ANTXR2: variants seen among roughly 807,000 people sequenced by gnomAD.
ANTXR2 encodes the protein anthrax toxin receptor 2.
A neutral mutation model predicts 73.7 loss-of-function variants in ANTXR2; 44 were observed. The observed-to-expected ratio is 0.60, with a 90% CI of 0.47 to 0.77. The LOEUF is 0.77. Among genes scored for constraint, ANTXR2 ranks in the 30% least tolerant of loss-of-function variants. The pLI, the probability that ANTXR2 is intolerant of heterozygous loss-of-function variation, is 0.00. For missense variants in ANTXR2, 604 were observed against 592.5 expected (o/e 1.02, Z -0.20); for synonymous variants, 217 against 205.9 (o/e 1.05, Z -0.46).
At chr4:79,991,011 TG>T (rs1322453544) in intron 12 of ANTXR2, among the ~76,000 whole-genome samples, 1 of 152,078 alleles carries the variant, frequency 6.6e-6, no homozygotes, top group East Asian at 1.9e-4. Context: ...AAAGAAAACC[TG>T]GGAAATACCA....
intron 8 of ANTXR2, 135 bp from the exon 9 acceptor site, chr4:80,033,705 CAT>C: frequency 1.6e-6 from 1 of 642,834 alleles, no homozygotes; most frequent in Non-Finnish European, 2.6e-6. Flanking sequence ...GCAATGAAGA[CAT>C]AGCTCTATAT....
rs941422433 is a variant in ANTXR2 at position 79,904,422 on chromosome 4, C to A, written c.*3007G>T. The A allele has an allele frequency of 1.1e-4, 17 of 152,026 alleles. No individual in the cohort carries two copies. The highest frequency in any genetic ancestry group is 3.6e-4 in the African/African-American group (15 of 41,410). The allele number at this position is 152,026 out of a possible 1,614,324, so 9.4% of individuals were successfully genotyped here. ...ATGGAGGGTCTCAAATTTTACTCTGCATCTCATTGGGAAGGAAATATAAAT... is the reference window on the plus strand; with the variant it reads ...ATGGAGGGTCTCAAATTTTACTCTGAATCTCATTGGGAAGGAAATATAAAT... On this transcript the variant is annotated 3_prime_UTR_variant, in exon 17 of 17. Coordinates refer to ENST00000403729, the MANE Select transcript of ANTXR2 (RefSeq NM_058172.6).
chr4:80,021,316 G>A (rs1732152548), intron 10 of ANTXR2, among the ~76,000 whole-genome samples: 1 of 151,992 alleles, frequency 6.6e-6, no homozygotes, highest in Admixed American at 6.6e-5. Flanking sequence ...CTGAAGAAAT[G>A]GGTGCCTTGT....
rs760021544 is a variant in ANTXR2, at chr4:79,905,737, C to G, written c.*1692G>C. On this transcript the variant is annotated 3_prime_UTR_variant, in exon 17 of 17. Transcript: ENST00000403729. ...GGCCTCTTGGAACAGTGCCACAAAC[C>G]TGGACACCAACCAACAGAATACTCC... The G allele has an allele frequency of 6.6e-6, 1 of 152,408 alleles. No homozygotes were observed. Among genetic ancestry groups the G allele is most frequent in the Non-Finnish European group, 1.5e-5 (1 of 68,040 alleles). 9.4% of individuals were successfully genotyped at this position (152,408 alleles called of 1,614,324 possible). A position where few individuals can be genotyped will look rare whatever the true frequency, so the allele number is the denominator to read the frequency against.
intron 14 of ANTXR2, among the ~76,000 whole-genome samples, chr4:79,980,622 C>T (rs997713069): frequency 6.6e-6 from 1 of 150,936 alleles, no homozygotes; most frequent in Non-Finnish European, 1.5e-5. Flanking sequence ...ATTTCAGAAT[C>T]GAGAAAAGAA....
At chr4:80,016,703 T>C (rs1335931100) in intron 11 of ANTXR2, among the ~76,000 whole-genome samples, 1 of 152,266 alleles carries the variant, frequency 6.6e-6, no homozygotes, top group African/African-American at 2.4e-5. Flanking sequence ...CTGAAACTGC[T>C]GTGCCTGATG....
At chr4:79,981,544 T>C (rs1164644553) in intron 14 of ANTXR2, among the ~76,000 whole-genome samples, 2 of 152,164 alleles carry the variant, frequency 1.3e-5, no homozygotes, top group African/African-American at 4.8e-5. Context: ...CTTATGTGTA[T>C]AGGGTATATA....
chr4:80,068,763 C>T (rs1042401989), intron 3 of ANTXR2, among the ~76,000 whole-genome samples: 6 of 152,128 alleles, frequency 3.9e-5, no homozygotes, highest in African/African-American at 1.4e-4. Context: ...CAGAGAGAGA[C>T]TCTGTCTCAA....
chr4:79,921,649 G>A (rs1727591694), intron 16 of ANTXR2, among the ~76,000 whole-genome samples: 1 of 151,914 alleles, frequency 6.6e-6, no homozygotes, highest in South Asian at 2.1e-4. Context: ...GGGCAATTAT[G>A]GATTACTTTC....
At chr4:79,984,938 A>G in intron 12 of ANTXR2, 75 bp from the exon 13 acceptor site, 2 of 1,154,950 alleles carry the variant, frequency 1.7e-6, no homozygotes, top group Non-Finnish European at 2.5e-6. Context: ...AAATAATTTG[A>G]TACATAAAAT....
At chr4:80,056,646 T>C (rs906499407) in intron 3 of ANTXR2, among the ~76,000 whole-genome samples, 1 of 151,862 alleles carries the variant, frequency 6.6e-6, no homozygotes, top group South Asian at 2.1e-4. Context: ...GATGGATAGA[T>C]AGATGGATGA....
At chr4:80,010,284 G>A (rs1356078066) in intron 11 of ANTXR2, among the ~76,000 whole-genome samples, 4 of 152,048 alleles carry the variant, frequency 2.6e-5, no homozygotes, top group East Asian at 1.9e-4. Flanking sequence ...AGAATATAAC[G>A]GAAAAAGGAT....
chr4:79,902,497 A>G lies in ANTXR2; in HGVS notation c.*4932T>C, dbSNP rs1024948574. 21 of 152,176 alleles carry G rather than the reference A, an allele frequency of 1.4e-4. No homozygotes were observed. Among genetic ancestry groups the G allele is most frequent in the African/African-American group, 4.8e-4 (20 of 41,460 alleles). 9.4% of individuals were successfully genotyped at this position (152,176 alleles called of 1,614,324 possible). On this transcript the variant is annotated 3_prime_UTR_variant, in exon 17 of 17. Transcript: ENST00000403729. ...TATCCCAATTATTAAAACTGGGAGC[A>G]TAAATATCTCCTAACAATCTCTGTG...
chr4:80,060,413 C>T lies in ANTXR2; in HGVS notation c.297-4400G>A, dbSNP rs78143482. Reference sequence around the variant, plus strand: ...AAAACTTTCTTGTGTTATTGGAATGCGTTTTGAATTACCTATTTTGCCAGT... The same window carrying T: ...AAAACTTTCTTGTGTTATTGGAATGTGTTTTGAATTACCTATTTTGCCAGT... On this transcript the variant is annotated intron_variant, in intron 3 of 16. Coordinates refer to ENST00000403729, the MANE Select transcript of ANTXR2 (RefSeq NM_058172.6). 8.2e-3 allele frequency among the ~76,000 whole-genome samples: 1,252 copies of T among 152,226 alleles called. 13 individuals carry two copies. The highest frequency in any genetic ancestry group is 0.024 in the African/African-American group (1,004 of 41,542).
At chr4:79,935,371 C>T (rs966485227) in intron 16 of ANTXR2, among the ~76,000 whole-genome samples, 1 of 133,482 alleles carries the variant, frequency 7.5e-6, no homozygotes, top group Non-Finnish European at 1.6e-5. Context: ...CAACTATAAA[C>T]AGCATTCTTG....
intron 1 of ANTXR2, among the ~76,000 whole-genome samples, chr4:80,072,023 G>A (rs1734812180): frequency 6.6e-6 from 1 of 152,160 alleles, no homozygotes; most frequent in Non-Finnish European, 1.5e-5. Flanking sequence ...CAATGAAAGC[G>A]CTATGATTAG....
chr4:79,964,463 T>G lies in ANTXR2; in HGVS notation c.1428+13158A>C, dbSNP rs921537220. 5.3e-5 allele frequency among the ~76,000 whole-genome samples: 8 copies of G among 152,186 alleles called. No homozygotes were observed. In the South Asian group the frequency reaches 1.7e-3, roughly 31 times the overall value. ...AAAGAGTCCACGGCTTAATGGAGGT[T>G]GTTTATGTGGAGACTTCGATCTGTA... On this transcript the variant is annotated intron_variant, in intron 16 of 16. Transcript: ENST00000403729.
At chr4:79,961,107 T>C (rs1729123991) in intron 16 of ANTXR2, among the ~76,000 whole-genome samples, 1 of 152,082 alleles carries the variant, frequency 6.6e-6, no homozygotes, top group African/African-American at 2.4e-5. Flanking sequence ...AAAGATGCAC[T>C]GTATCCCCCC....
chr4:80,018,955 G>A lies in ANTXR2; in HGVS notation c.888C>T (p.Ser296=), dbSNP rs1318161550. 1.3e-6 allele frequency: 2 copies of A among 1,508,914 alleles called. No homozygotes were observed. Among genetic ancestry groups the A allele is most frequent in the African/African-American group, 1.4e-5 (1 of 70,072 alleles). The allele number at this position is 1,508,914 out of a possible 1,614,324, so 93.5% of individuals were successfully genotyped here. ...AAATGACAGATTTTCCTCCATTAAA[G>A]CTCACTGAAACATCAAGAGTTCTGA... ...KAGETLDVSV[S]FNGGKSVISG... is the part of the protein sequence containing the mutation. Residue 296 remains serine, a synonymous_variant, in exon 11 of 17, where the codon AGC becomes AGT. Coordinates refer to ENST00000403729, the MANE Select transcript of ANTXR2 (RefSeq NM_058172.6).
Sources: gnomAD v4.1 joint callset for allele counts (sites outside exome capture counted in the v4.1 genomes callset) on GRCh38, gnomAD v4.1.1 for gene constraint, MANE v1.5 for transcripts, NCBI Gene and HGNC (gene_info 2026-07-23, HGNC 2026-07-21) for gene names.